The following CAVIN1 variants were observed in gnomAD, a reference collection of about 807,000 sequenced individuals.
CAVIN1 encodes the protein caveolae-associated protein 1.
In CAVIN1, 16 loss-of-function variants were observed where a neutral mutation model predicts 24.0. The ratio of observed to expected loss-of-function variants is 0.67; its 90% CI spans 0.45 to 1.01. The LOEUF is 1.01. Ranked by LOEUF, CAVIN1 falls within the 50% of genes least tolerant of loss-of-function variation. CAVIN1 has a pLI of 0.00. For synonymous variants in CAVIN1, 256 were observed against 256.4 expected, an observed-to-expected ratio of 1.00 and a Z score of 0.02; for missense variants, 510 against 551.7, an observed-to-expected ratio of 0.92 and a Z score of 0.76.
intron 1 of CAVIN1, among the ~76,000 whole-genome samples, chr17:42,410,538 C>G (rs1049241971): frequency 6.6e-6 from 1 of 152,064 alleles, no homozygotes; most frequent in African/African-American, 2.4e-5. Flanking sequence ...GTGCCACTCC[C>G]AAGAGCCACA....
intron 1 of CAVIN1, among the ~76,000 whole-genome samples, chr17:42,415,754 G>A (rs567244027): frequency 1.6e-4 from 24 of 151,782 alleles, no homozygotes; most frequent in Admixed American, 3.9e-4. Flanking sequence ...AAGAAAAAAA[G>A]AAAAGAAAAA....
rs550406902 is a variant in CAVIN1, at chr17:42,414,578, G to A, written c.471+8049C>T. Among the ~76,000 whole-genome samples, 6 of 152,138 alleles carry A rather than the reference G, an allele frequency of 3.9e-5. No homozygotes were observed. In the South Asian group the frequency reaches 1.0e-3, roughly 26 times the overall value. Reference sequence around the variant, plus strand: ...TTATGACAGGTGAGCCTATGTCCTGGGACCTCTGGACCTCTGCGGCAGCCC... The same window carrying A: ...TTATGACAGGTGAGCCTATGTCCTGAGACCTCTGGACCTCTGCGGCAGCCC... On this transcript the variant is annotated intron_variant, in intron 1 of 1. Transcript: ENST00000357037.
intron 1 of CAVIN1, among the ~76,000 whole-genome samples, chr17:42,420,921 T>C (rs2085541102): frequency 6.6e-6 from 1 of 152,126 alleles, no homozygotes; most frequent in African/African-American, 2.4e-5. Flanking sequence ...CCCAGACCCC[T>C]GTCTTGTTCC....
At position 42,405,316 on chromosome 17, in the gene CAVIN1, CCTT is replaced by C; in HGVS notation, c.541_543del (p.Lys181del). 6.2e-7 allele frequency: 1 copy of C among 1,611,478 alleles called. No homozygotes were observed. The highest frequency in any genetic ancestry group is 8.5e-7 in the Non-Finnish European group (1 of 1,179,980). The stretch of plus-strand genomic sequence containing the variant: ...TCGCCCTCGCCCAGCTCCTCGCCCT[CCTT>C]CTCTGGCAGCGCCTCCGACTCTTTC... On this transcript the variant is annotated inframe_deletion, in exon 2 of 2. Coordinates refer to ENST00000357037, the MANE Select transcript of CAVIN1 (RefSeq NM_012232.6).
intron 1 of CAVIN1, among the ~76,000 whole-genome samples, chr17:42,415,098 A>G (rs1406408220): frequency 1.3e-5 from 2 of 152,020 alleles, no homozygotes; most frequent in African/African-American, 2.4e-5. Context: ...CCACACACAC[A>G]AACACCCATA....
intron 1 of CAVIN1, among the ~76,000 whole-genome samples, chr17:42,409,619 C>A (rs950664018): frequency 6.6e-6 from 1 of 152,072 alleles, no homozygotes; most frequent in African/African-American, 2.4e-5. Flanking sequence ...TCACCATTAG[C>A]TTTTCCTCTC....
intron 1 of CAVIN1, among the ~76,000 whole-genome samples, chr17:42,415,593 C>T (rs1339573043): frequency 6.6e-6 from 1 of 152,068 alleles, no homozygotes; most frequent in Non-Finnish European, 1.5e-5. Context: ...TGTCTGTAGT[C>T]CTAGCTACTT....
At chr17:42,412,217 C>T in intron 1 of CAVIN1, 1 of 984,920 alleles carries the variant, frequency 1.0e-6, no homozygotes. Flanking sequence ...TTGGGTGTGG[C>T]CAGGTCAGAG....
chr17:42,422,294 G>A (rs963808560), intron 1 of CAVIN1, among the ~76,000 whole-genome samples: 1 of 152,200 alleles, frequency 6.6e-6, no homozygotes, highest in African/African-American at 2.4e-5. Context: ...AATTAGGGAG[G>A]GAGCGGTCTG....
At chr17:42,408,032 TA>T (rs201393181) in intron 1 of CAVIN1, among the ~76,000 whole-genome samples, 1 of 151,674 alleles carries the variant, frequency 6.6e-6, no homozygotes, top group African/African-American at 2.4e-5. Flanking sequence ...ATATATATAT[TA>T]AAAAAAATTC....
chr17:42,419,689 C>A lies in CAVIN1; in HGVS notation c.471+2938G>T, dbSNP rs142754897. Among the ~76,000 whole-genome samples, 521 of 152,236 alleles carry A rather than the reference C, an allele frequency of 3.4e-3. 3 individuals are homozygous for A. The highest frequency in any genetic ancestry group is 0.011 in the African/African-American group (463 of 41,540). On this transcript the variant is annotated intron_variant, in intron 1 of 1. Transcript: ENST00000357037. ...TCCTGCAACCCTCAGTCCATTAACT[C>A]CTATAACTAGTAGAATTCACTTCTC...
At chr17:42,406,210 G>A (rs1345052109) in intron 1 of CAVIN1, among the ~76,000 whole-genome samples, 8 of 152,194 alleles carry the variant, frequency 5.3e-5, no homozygotes, top group Admixed American at 5.2e-4. Flanking sequence ...GGAAATGGGC[G>A]GAGCGCCCTC....
In CAVIN1 at chr17:42,405,275, GTCC is replaced by G; in HGVS notation, c.582_584del (p.Glu194del). ...CCGACGAAAGCTCCAGCGCCGCTGC[GTCC>G]TCCTCGGGCCGCTCGCCCTCGCCCA... On this transcript the variant is annotated inframe_deletion, in exon 2 of 2. Coordinates refer to ENST00000357037, the MANE Select transcript of CAVIN1 (RefSeq NM_012232.6). 6.2e-7 allele frequency: 1 copy of G among 1,613,008 alleles called. No individual in the cohort carries two copies. Among genetic ancestry groups the G allele is most frequent in the Non-Finnish European group, 8.5e-7 (1 of 1,179,950 alleles).
chr17:42,404,967 C>T lies in CAVIN1; in HGVS notation c.893G>A (p.Arg298His), dbSNP rs144331065. The change falls in exon 2 of 2, where the codon CGC becomes CAC. Residue 298 changes from arginine (R) to histidine (H), a missense_variant. Coordinates refer to ENST00000357037, the MANE Select transcript of CAVIN1 (RefSeq NM_012232.6). Reference protein sequence around the residue: ...EKLKTSRDKLRKSFTPDHVVY... With the variant: ...EKLKTSRDKLHKSFTPDHVVY... ...CACGTGGTCGGGCGTGAAGGATTTG[C>T]GCAACTTGTCCCGCGACGTCTTCAG... The T allele has an allele frequency of 1.9e-6, 3 of 1,614,126 alleles. No individual in the cohort carries two copies. The highest frequency in any genetic ancestry group is 2.7e-5 in the African/African-American group (2 of 75,056).
At chr17:42,410,386 AC>A (rs1295071827) in intron 1 of CAVIN1, among the ~76,000 whole-genome samples, 1 of 152,088 alleles carries the variant, frequency 6.6e-6, no homozygotes, top group Non-Finnish European at 1.5e-5. Flanking sequence ...GGTTGCTAAG[AC>A]AAGGAGATGA....
At chr17:42,410,741 G>A (rs571624249) in intron 1 of CAVIN1, among the ~76,000 whole-genome samples, 4 of 151,680 alleles carry the variant, frequency 2.6e-5, no homozygotes, top group Admixed American at 6.6e-5. Context: ...GTGAAACTCC[G>A]TCTCTACTAA....
At chr17:42,414,722 T>C (rs1170466800) in intron 1 of CAVIN1, among the ~76,000 whole-genome samples, 1 of 152,076 alleles carries the variant, frequency 6.6e-6, no homozygotes, top group Admixed American at 6.6e-5. Context: ...AATAGCAGTA[T>C]TTGATAAAGC....
At chr17:42,416,303 G>A (rs2085511105) in intron 1 of CAVIN1, among the ~76,000 whole-genome samples, 1 of 152,078 alleles carries the variant, frequency 6.6e-6, no homozygotes, top group South Asian at 2.1e-4. Flanking sequence ...AGGAGGTGGA[G>A]GTTACAGTGA....
chr17:42,404,019 T>C lies in CAVIN1; in HGVS notation c.*668A>G, dbSNP rs531837420. 6.5e-6 allele frequency: 1 copy of C among 152,788 alleles called. No individual in the cohort carries two copies. Among genetic ancestry groups the C allele is most frequent in the Non-Finnish European group, 1.5e-5 (1 of 68,276 alleles). The allele number at this position is 152,788 out of a possible 1,614,324, so 9.5% of individuals were successfully genotyped here. ...GTGTACAGGTGCATAAACACATCAG[T>C]GTGCCATCCCTCACATGCATGTCGT... is the stretch of plus-strand genomic sequence containing the variant. On this transcript the variant is annotated 3_prime_UTR_variant, in exon 2 of 2. Coordinates refer to ENST00000357037, the MANE Select transcript of CAVIN1 (RefSeq NM_012232.6).
Sources: gnomAD v4.1 joint callset for allele counts (sites outside exome capture counted in the v4.1 genomes callset) on GRCh38, gnomAD v4.1.1 for gene constraint, MANE v1.5 for transcripts, NCBI Gene and HGNC (gene_info 2026-07-23, HGNC 2026-07-21) for gene names.